The following HS6ST3 variants were observed in gnomAD, a reference collection of about 807,000 sequenced individuals.
The protein encoded by HS6ST3 is heparan sulfate 6-O-sulfotransferase 3, also known as heparan-sulfate 6-O-sulfotransferase 3.
Under a neutral mutation model 36.7 loss-of-function variants are expected in HS6ST3, and 12 were observed. The observed-to-expected ratio is 0.33, with a 90% CI of 0.21 to 0.53. The LOEUF (loss-of-function observed/expected upper bound fraction) is 0.53. Ranked by LOEUF, HS6ST3 falls within the 20% of genes least tolerant of loss-of-function variation. The pLI is 0.95. For synonymous variants in HS6ST3, 240 were observed against 257.5 expected (o/e 0.93, Z 0.65); for missense variants, 584 against 640.9 (o/e 0.91, Z 0.96).
At chr13:96,452,344 A>G (rs903244514) in intron 1 of HS6ST3, among the ~76,000 whole-genome samples, 11 of 152,192 alleles carry the variant, frequency 7.2e-5, no homozygotes, top group African/African-American at 2.7e-4. Flanking sequence ...GTTGAAGGAG[A>G]CATTTTTCTT....
intron 1 of HS6ST3, among the ~76,000 whole-genome samples, chr13:96,187,587 G>A (rs578047418): frequency 6.6e-6 from 1 of 152,290 alleles, no homozygotes; most frequent in South Asian, 2.1e-4. Flanking sequence ...TTATAGAATA[G>A]GTTCTGGCAC....
intron 1 of HS6ST3, among the ~76,000 whole-genome samples, chr13:96,537,591 A>G (rs953063081): frequency 7.9e-5 from 12 of 152,200 alleles, no homozygotes; most frequent in Admixed American, 2.6e-4. Context: ...CTAAGATTGT[A>G]AACATCTCTA....
intron 1 of HS6ST3, among the ~76,000 whole-genome samples, chr13:96,658,799 G>A (rs571855674): frequency 7.9e-5 from 12 of 151,808 alleles, no homozygotes; most frequent in Middle Eastern, 3.2e-3. Flanking sequence ...TCTGCCTCCC[G>A]GATTCAAGCA....
At chr13:96,573,539 C>T (rs2056308636) in intron 1 of HS6ST3, 1 of 180,886 alleles carries the variant, frequency 5.5e-6, no homozygotes, top group Non-Finnish European at 1.1e-5. Context: ...AAAATAGCTC[C>T]CCTCCTCTGT....
In HS6ST3 at chr13:96,179,605, T is replaced by G. The variant is rs571747870; in HGVS notation, c.707+88036T>G. ...TGCAAAGATCATTCACGGCCTCTTC[T>G]TCTCCTTTTGGGCCAACATGCGGGA... On this transcript the variant is annotated intron_variant, in intron 1 of 1. Coordinates refer to ENST00000376705, the MANE Select transcript of HS6ST3 (RefSeq NM_153456.4). Among the ~76,000 whole-genome samples the G allele has an allele frequency of 5.3e-5, 8 of 152,312 alleles. 1 individual carries two copies. The South Asian group carries it at 1.7e-3, about 32-fold the overall frequency.
At chr13:96,533,829 T>C (rs990111547) in intron 1 of HS6ST3, among the ~76,000 whole-genome samples, 2 of 152,178 alleles carry the variant, frequency 1.3e-5, no homozygotes, top group African/African-American at 4.8e-5. Context: ...GTATGGGCTT[T>C]AGCATACTGC....
chr13:96,280,284 C>T (rs1333796741), intron 1 of HS6ST3, among the ~76,000 whole-genome samples: 1 of 152,036 alleles, frequency 6.6e-6, no homozygotes, highest in Non-Finnish European at 1.5e-5. Context: ...ATGTTCTAGT[C>T]TTTGATGATA....
chr13:96,593,174 C>CTTCTTTTTTTTT (rs2056389097), intron 1 of HS6ST3, among the ~76,000 whole-genome samples: 2 of 46,602 alleles, frequency 4.3e-5, no homozygotes, highest in Non-Finnish European at 7.0e-5. Context: ...TTCTTTCTTT[C>CTTCTTTTTTTTT]TTTTTTTTTT....
intron 1 of HS6ST3, among the ~76,000 whole-genome samples, chr13:96,336,179 G>T (rs1254952641): frequency 3.3e-5 from 5 of 151,988 alleles, no homozygotes; most frequent in African/African-American, 1.2e-4. Flanking sequence ...CTTAAAAAAG[G>T]ACAACTAGTT....
rs547670604 is a variant in HS6ST3 at position 96,253,040 on chromosome 13, C to T, written c.707+161471C>T. On this transcript the variant is annotated intron_variant, in intron 1 of 1. Coordinates refer to ENST00000376705, the MANE Select transcript of HS6ST3 (RefSeq NM_153456.4). ...CCTAATACAGGGAGCTCATGTGAAT[C>T]GTGCTCAGAGACATGTGAGGTATTG... Among the ~76,000 whole-genome samples the T allele has an allele frequency of 4.6e-5, 7 of 152,228 alleles. 1 individual carries two copies. The highest frequency in any genetic ancestry group is 1.4e-4 in the African/African-American group (6 of 41,548).
At chr13:96,232,029 A>G (rs1254715213) in intron 1 of HS6ST3, among the ~76,000 whole-genome samples, 1 of 152,136 alleles carries the variant, frequency 6.6e-6, no homozygotes, top group Non-Finnish European at 1.5e-5. Flanking sequence ...ATTGTTCTGA[A>G]GGGGAGTGTG....
chr13:96,656,308 C>T (rs894750294), intron 1 of HS6ST3, among the ~76,000 whole-genome samples: 15 of 152,148 alleles, frequency 9.9e-5, no homozygotes, highest in African/African-American at 3.4e-4. Flanking sequence ...TCCATGATTT[C>T]TCAGATGATT....
intron 1 of HS6ST3, among the ~76,000 whole-genome samples, chr13:96,150,974 A>ATT (rs2054082115): frequency 6.6e-6 from 1 of 152,132 alleles, no homozygotes; most frequent in Non-Finnish European, 1.5e-5. Context: ...ATCTATTACT[A>ATT]TTTCCTTCTG....
chr13:96,279,272 T>C (rs1566309943), intron 1 of HS6ST3, among the ~76,000 whole-genome samples: 1 of 152,198 alleles, frequency 6.6e-6, no homozygotes. Context: ...ATGCTAATGC[T>C]GTCTCTCCAC....
At chr13:96,400,413 A>G (rs2055445379) in intron 1 of HS6ST3, among the ~76,000 whole-genome samples, 2 of 151,936 alleles carry the variant, frequency 1.3e-5, no homozygotes, top group Non-Finnish European at 2.9e-5. Flanking sequence ...CAATTTTTGT[A>G]CCCCATAATA....
At chr13:96,227,193 T>G (rs2054484818) in intron 1 of HS6ST3, among the ~76,000 whole-genome samples, 1 of 152,198 alleles carries the variant, frequency 6.6e-6, no homozygotes, top group African/African-American at 2.4e-5. Context: ...CAACAGACTA[T>G]ATTTACTACA....
At chr13:96,485,330 T>A (rs929849767) in intron 1 of HS6ST3, among the ~76,000 whole-genome samples, 3 of 143,532 alleles carry the variant, frequency 2.1e-5, no homozygotes, top group South Asian at 2.1e-4. Flanking sequence ...ACCAAAATAT[T>A]TTTTTTTAGG....
At chr13:96,747,638 T>C (rs775322153) in intron 1 of HS6ST3, among the ~76,000 whole-genome samples, 6 of 152,088 alleles carry the variant, frequency 3.9e-5, no homozygotes, top group Non-Finnish European at 8.8e-5. Flanking sequence ...GTGTGGCTGT[T>C]GATTTTTCAT....
Position 96,411,719 on chromosome 13 carries a change from C to T in HS6ST3, c.707+320150C>T, listed in dbSNP as rs149437778. 2.6e-5 allele frequency among the ~76,000 whole-genome samples: 4 copies of T among 152,258 alleles called. No homozygotes were observed. In the East Asian group the frequency reaches 7.7e-4, roughly 29 times the overall value. On this transcript the variant is annotated intron_variant, in intron 1 of 1. Coordinates refer to ENST00000376705, the MANE Select transcript of HS6ST3 (RefSeq NM_153456.4). ...AGGCAGGGCAATTAGTTAGGTATTG[C>T]AGACATTCAAATGAGAAATAGTAAA...
Sources: gnomAD v4.1 joint callset for allele counts (sites outside exome capture counted in the v4.1 genomes callset) on GRCh38, gnomAD v4.1.1 for gene constraint, MANE v1.5 for transcripts, NCBI Gene and HGNC (gene_info 2026-07-23, HGNC 2026-07-21) for gene names.